LRRC31: variants seen among roughly 807,000 people sequenced by gnomAD.
LRRC31 encodes the protein leucine-rich repeat-containing protein 31.
LRRC31 carries 35 observed loss-of-function variants against 46.7 expected under a neutral mutation model. That is an observed-to-expected ratio of 0.75 (90% CI 0.57 to 0.99). The LOEUF is 0.99. LRRC31 is among the 50% of genes least tolerant of loss of function. The pLI is 0.00. For synonymous variants in LRRC31, 236 were observed against 235.1 expected (o/e 1.00, Z -0.03); for missense variants, 613 against 626.1 (o/e 0.98, Z 0.22).
chr3:169,848,342 G>C (rs1200725238), intron 7 of LRRC31, 55 bp from the exon 8 acceptor site: 2 of 1,546,126 alleles, frequency 1.3e-6, no homozygotes, highest in East Asian at 4.6e-5. Context: ...ACAGATCATA[G>C]GCTTTGGATT....
chr3:169,861,583 A>G, intron 2 of LRRC31, 87 bp downstream of exon 2: 2 of 1,384,580 alleles, frequency 1.4e-6, no homozygotes, highest in South Asian at 2.7e-5. Context: ...ACTTGGGGTT[A>G]CTAGGTGGGT....
At chr3:169,859,689 T>A (rs1035141316) in intron 3 of LRRC31, among the ~76,000 whole-genome samples, 1 of 152,186 alleles carries the variant, frequency 6.6e-6, no homozygotes, top group African/African-American at 2.4e-5. Flanking sequence ...AACTTAAAAA[T>A]CTTGTTTTGT....
At chr3:169,850,349 T>A (rs769299471) in intron 7 of LRRC31, among the ~76,000 whole-genome samples, 1 of 152,194 alleles carries the variant, frequency 6.6e-6, no homozygotes, top group East Asian at 1.9e-4. Flanking sequence ...GTCCTCACCA[T>A]GTCCTGCTCC....
At chr3:169,867,032 C>T (rs1226298986) in intron 1 of LRRC31, among the ~76,000 whole-genome samples, 1 of 140,852 alleles carries the variant, frequency 7.1e-6, no homozygotes, top group African/African-American at 3.0e-5. Flanking sequence ...AGAAAATTGG[C>T]CATGGGTTTT....
At chr3:169,865,568 G>T (rs1180817759) in intron 1 of LRRC31, among the ~76,000 whole-genome samples, 2 of 152,174 alleles carry the variant, frequency 1.3e-5, no homozygotes, top group African/African-American at 2.4e-5. Context: ...GGTAACATGG[G>T]TGGTACTGTA....
chr3:169,848,816 T>G (rs1411398745), intron 7 of LRRC31, among the ~76,000 whole-genome samples: 9 of 152,188 alleles, frequency 5.9e-5, no homozygotes, highest in Non-Finnish European at 1.0e-4. Flanking sequence ...CTTGATAAAT[T>G]GGAATTCACT....
chr3:169,869,748 AGTT>A lies in LRRC31; in HGVS notation c.57_59del (p.Thr20del). On this transcript the variant is annotated inframe_deletion, in exon 1 of 9. Coordinates refer to ENST00000316428, the MANE Select transcript of LRRC31 (RefSeq NM_024727.4). ...TGGAGCCCCTGAGAAATTTGTTGAC[AGTT>A]GAAGTCTGGGGCTTAGTTTCTCCTT... The A allele has an allele frequency of 6.2e-7, 1 of 1,613,282 alleles. No individual in the cohort carries two copies. Among genetic ancestry groups the A allele is most frequent in the East Asian group, 2.2e-5 (1 of 44,860 alleles).
At chr3:169,861,243 A>T (rs1781143117) in intron 2 of LRRC31, among the ~76,000 whole-genome samples, 1 of 151,182 alleles carries the variant, frequency 6.6e-6, no homozygotes, top group African/African-American at 2.4e-5. Context: ...TAACTTTTGT[A>T]TTTTTAGTAG....
chr3:169,867,923 A>G (rs1781380512), intron 1 of LRRC31, among the ~76,000 whole-genome samples: 1 of 152,226 alleles, frequency 6.6e-6, no homozygotes, highest in African/African-American at 2.4e-5. Context: ...AAGAAAGCCA[A>G]AGATACTCAC....
Position 169,839,949 on chromosome 3 carries a change from G to T in LRRC31, c.*33C>A. On this transcript the variant is annotated 3_prime_UTR_variant, in exon 9 of 9. Coordinates refer to ENST00000316428, the MANE Select transcript of LRRC31 (RefSeq NM_024727.4). ...TTCATGTTCTTTTCCTTTGGAGAATGGTTTGTAGCTTAGTAGGACATGGGA... is the reference window on the plus strand; with the variant it reads ...TTCATGTTCTTTTCCTTTGGAGAATTGTTTGTAGCTTAGTAGGACATGGGA... 1 of 1,525,644 alleles carries T rather than the reference G, an allele frequency of 6.6e-7. No homozygotes were observed. The highest frequency in any genetic ancestry group is 1.2e-5 in the South Asian group (1 of 80,620). 94.5% of individuals were successfully genotyped at this position (1,525,644 alleles called of 1,614,324 possible). A position where few individuals can be genotyped will look rare whatever the true frequency, so the allele number is the denominator to read the frequency against.
At chr3:169,842,289 G>GA (rs1780475535) in intron 8 of LRRC31, among the ~76,000 whole-genome samples, 1 of 152,026 alleles carries the variant, frequency 6.6e-6, no homozygotes, top group South Asian at 2.1e-4. Context: ...GTTTCTATTA[G>GA]AAAAAATATA....
At chr3:169,864,564 C>T (rs1207856459) in intron 1 of LRRC31, among the ~76,000 whole-genome samples, 1 of 152,182 alleles carries the variant, frequency 6.6e-6, no homozygotes, top group Non-Finnish European at 1.5e-5. Flanking sequence ...CTCCTATGCA[C>T]ATGGTAATCT....
intron 7 of LRRC31, among the ~76,000 whole-genome samples, chr3:169,849,299 G>A (rs1477152527): frequency 6.6e-6 from 1 of 151,986 alleles, no homozygotes; most frequent in Non-Finnish European, 1.5e-5. Flanking sequence ...AGTGATGTAG[G>A]GAAATATATA....
intron 6 of LRRC31, among the ~76,000 whole-genome samples, chr3:169,852,215 G>A (rs1337001335): frequency 3.4e-5 from 5 of 148,230 alleles, no homozygotes; most frequent in Admixed American, 1.4e-4. Context: ...TGGCTAACAC[G>A]GTGAAACTCC....
At chr3:169,855,086 T>C in intron 5 of LRRC31, 106 bp from the exon 6 acceptor site, 1 of 956,990 alleles carries the variant, frequency 1.0e-6, no homozygotes, top group Admixed American at 2.2e-5. Flanking sequence ...AGCCCCGGAG[T>C]TCGAGTCCAG....
intron 8 of LRRC31, among the ~76,000 whole-genome samples, chr3:169,840,523 T>C (rs1780416926): frequency 6.6e-6 from 1 of 152,192 alleles, no homozygotes; most frequent in Non-Finnish European, 1.5e-5. Flanking sequence ...TATTTCTTTT[T>C]CCAAATCTCA....
At chr3:169,869,174 C>T (rs1781417811) in intron 1 of LRRC31, among the ~76,000 whole-genome samples, 1 of 151,732 alleles carries the variant, frequency 6.6e-6, no homozygotes, top group African/African-American at 2.4e-5. Context: ...AATTCGAGAC[C>T]ACCCTGGCCA....
At chr3:169,853,538 T>C (rs1780852868) in intron 6 of LRRC31, 2 of 985,698 alleles carry the variant, frequency 2.0e-6, no homozygotes, top group African/African-American at 3.5e-5. Context: ...TGTTATTTAG[T>C]TGTACCAAGG....
chr3:169,857,631 G>C (rs1053381859), intron 3 of LRRC31, among the ~76,000 whole-genome samples: 1 of 151,702 alleles, frequency 6.6e-6, no homozygotes, highest in African/African-American at 2.4e-5. Context: ...GGAGAGAATA[G>C]GAGAAGTGAC....
Sources: allele counts gnomAD v4.1 joint callset (sites outside exome capture counted in the v4.1 genomes callset), GRCh38; gene constraint gnomAD v4.1.1; transcripts MANE v1.5; gene names NCBI Gene and HGNC (gene_info 2026-07-23, HGNC 2026-07-21).